PRDX1: variants seen among roughly 807,000 people sequenced by gnomAD.
PRDX1 encodes the protein peroxiredoxin 1.
Under a neutral mutation model 20.7 loss-of-function variants are expected in PRDX1, and 19 were observed. The observed-to-expected ratio is 0.92, with a 90% confidence interval of 0.64 to 1.35. The LOEUF (loss-of-function observed/expected upper bound fraction) is 1.35, where lower values mean the gene tolerates loss of function less well. Among genes scored for constraint, PRDX1 ranks in the 40% most tolerant of loss-of-function variants. The probability of loss-of-function intolerance (pLI) is 0.00; values close to 1 mark genes in which losing one functional copy is unlikely to be tolerated. For missense variants in PRDX1, 226 were observed against 240.0 expected, an observed-to-expected ratio of 0.94 and a Z score of 0.38; for synonymous variants, 89 against 83.9, an observed-to-expected ratio of 1.06 and a Z score of -0.33.
At chr1:45,521,572 G>C (rs1359398153) in intron 1 of PRDX1, 1 of 152,332 alleles carries the variant, frequency 6.6e-6, no homozygotes, top group Non-Finnish European at 1.5e-5. Flanking sequence ...ACGTGCTCGA[G>C]TTGCCGGGGG....
intron 2 of PRDX1, 116 bp downstream of exon 2, chr1:45,518,822 C>A: frequency 3.2e-6 from 3 of 938,854 alleles, no homozygotes; most frequent in Non-Finnish European, 4.9e-6. Flanking sequence ...AACCTAAATA[C>A]TTCTTCCTAG....
intron 2 of PRDX1, among the ~76,000 whole-genome samples, chr1:45,516,477 T>TAC (rs1378537626): frequency 6.6e-6 from 1 of 151,454 alleles, no homozygotes; most frequent in Non-Finnish European, 1.5e-5. Context: ...AATATATATA[T>TAC]ACATATACAC....
At chr1:45,518,211 C>T (rs1297880715) in intron 2 of PRDX1, among the ~76,000 whole-genome samples, 1 of 151,800 alleles carries the variant, frequency 6.6e-6, no homozygotes, top group African/African-American at 2.4e-5. Flanking sequence ...GCCTGTAATC[C>T]CAGCATTTTG....
intron 1 of PRDX1, among the ~76,000 whole-genome samples, chr1:45,520,629 C>A (rs1275041279): frequency 6.8e-6 from 1 of 147,184 alleles, no homozygotes; most frequent in African/African-American, 2.5e-5. Context: ...GAGGCTGAGG[C>A]AGGAGAATGG....
At position 45,518,999 on chromosome 1, in the gene PRDX1, G is replaced by C. The variant is rs1220503227; in HGVS notation, c.45C>G (p.Phe15Leu). 1 of 1,603,986 alleles carries C rather than the reference G, an allele frequency of 6.2e-7. No homozygotes were observed. Among genetic ancestry groups the C allele is most frequent in the East Asian group, 2.3e-5 (1 of 44,320 alleles). ...NAKIGHPAPN[F>L]KATAVMPDGQ... is the part of the protein sequence containing the mutation. ...CATCTGGCATAACAGCTGTGGCTTT[G>C]AAGTTGGGGGCAGGGTGCCCAATTT... The change falls in exon 2 of 6, where the codon TTC becomes TTG. Residue 15 changes from phenylalanine to leucine, a missense_variant. By Grantham distance (22) the Phe-to-Leu change is conservative. Transcript: ENST00000319248.
At chr1:45,521,420 G>C (rs185044378) in intron 1 of PRDX1, among the ~76,000 whole-genome samples, 2 of 152,170 alleles carry the variant, frequency 1.3e-5, no homozygotes, top group Admixed American at 6.6e-5. Flanking sequence ...CTCAGGACCC[G>C]GAACAGCCAA....
At chr1:45,514,417 C>G in intron 5 of PRDX1, 90 bp downstream of exon 5, 1 of 1,462,336 alleles carries the variant, frequency 6.8e-7, no homozygotes. Context: ...TCTCTCATTC[C>G]ACCTAACGAG....
intron 5 of PRDX1, chr1:45,512,879 T>A (rs952569611): frequency 1.2e-4 from 19 of 152,204 alleles, no homozygotes; most frequent in African/African-American, 4.1e-4. Flanking sequence ...TGCTCACTGA[T>A]CCCTATATAA....
intron 5 of PRDX1, chr1:45,511,817 C>G (rs1643752930): frequency 6.5e-6 from 1 of 154,774 alleles, no homozygotes; most frequent in Non-Finnish European, 1.4e-5. Context: ...CTCAGTCTGC[C>G]TTCTCAGCAT....
chr1:45,515,436 G>A lies in PRDX1; in HGVS notation c.260+218C>T, dbSNP rs35220536. 0.046 allele frequency among the ~76,000 whole-genome samples: 6,964 copies of A among 151,576 alleles called. 570 individuals are homozygous for A. Among genetic ancestry groups the A allele is most frequent in the African/African-American group, 0.16 (6,600 of 41,274 alleles). ...AACACGGTGAAACACCGTCTCTACT[G>A]AAAATACAAAAAATTAGCCAGGTAT... On this transcript the variant is annotated intron_variant, in intron 3 of 5. Transcript: ENST00000319248.
chr1:45,514,225 T>A (rs543253299), intron 5 of PRDX1, among the ~76,000 whole-genome samples: 59 of 152,172 alleles, frequency 3.9e-4, no homozygotes, highest in Non-Finnish European at 7.6e-4. Context: ...GTTTATCTGC[T>A]GACCTTCTCT....
At chr1:45,515,132 A>T in intron 3 of PRDX1, 137 bp from the exon 4 acceptor site, 2 of 1,267,948 alleles carry the variant, frequency 1.6e-6, no homozygotes, top group Non-Finnish European at 2.2e-6. Context: ...AATAAAGTGA[A>T]TGCTGAGAAC....
intron 2 of PRDX1, among the ~76,000 whole-genome samples, chr1:45,517,817 A>ATATAT (rs1557614809): frequency 9.7e-5 from 5 of 51,700 alleles, no homozygotes; most frequent in Non-Finnish European, 1.3e-4. Context: ...ATGACAACAG[A>ATATAT]AAGGAGAGTT....
chr1:45,521,627 T>G (rs1643914296), intron 1 of PRDX1: 1 of 152,006 alleles, frequency 6.6e-6, no homozygotes, highest in Non-Finnish European at 1.5e-5. Context: ...TCAACCAGGT[T>G]CCCGCACCTA....
intron 2 of PRDX1, among the ~76,000 whole-genome samples, chr1:45,517,964 T>C (rs1229504614): frequency 6.6e-6 from 1 of 152,076 alleles, no homozygotes; most frequent in African/African-American, 2.4e-5. Flanking sequence ...GCTCCAGAGA[T>C]TTGAGTGAGC....
chr1:45,517,491 G>C (rs1220718484), intron 2 of PRDX1, among the ~76,000 whole-genome samples: 1 of 152,116 alleles, frequency 6.6e-6, no homozygotes, highest in Non-Finnish European at 1.5e-5. Context: ...ATGAAACTAT[G>C]ACAACAGAGG....
chr1:45,521,338 C>T (rs1438158293), intron 1 of PRDX1, among the ~76,000 whole-genome samples: 1 of 152,168 alleles, frequency 6.6e-6, no homozygotes, highest in Non-Finnish European at 1.5e-5. Context: ...TTGGGCTCAT[C>T]GCTAACTCCA....
chr1:45,515,833 T>TCGATAA (rs1643853307), intron 2 of PRDX1, 26 bp from the exon 3 acceptor site: 2 of 1,537,342 alleles, frequency 1.3e-6, no homozygotes, highest in Non-Finnish European at 1.7e-6. Flanking sequence ...GAGTCATGGT[T>TCGATAA]AGCATTTGAC....
chr1:45,514,469 C>T (rs893985508), intron 5 of PRDX1, 38 bp downstream of exon 5: 1 of 1,612,460 alleles, frequency 6.2e-7, no homozygotes, highest in African/African-American at 1.3e-5. Context: ...CCCTTCATAC[C>T]ACCACTCTGT....
Sources: allele counts gnomAD v4.1 joint callset (sites outside exome capture counted in the v4.1 genomes callset), GRCh38; gene constraint gnomAD v4.1.1; transcripts MANE v1.5; gene names NCBI Gene and HGNC (gene_info 2026-07-23, HGNC 2026-07-21).